The following MOB3B variants were observed in gnomAD, a reference collection of about 807,000 sequenced individuals.
MOB3B encodes MOB kinase activator-like 2B.
A neutral mutation model predicts 18.7 loss-of-function variants in MOB3B; 7 were observed. That is an observed-to-expected ratio of 0.37 (90% confidence interval 0.21 to 0.70). The LOEUF (loss-of-function observed/expected upper bound fraction) is 0.70. Ranked by LOEUF, MOB3B falls within the 30% of genes least tolerant of loss-of-function variation. The probability of loss-of-function intolerance (pLI) is 0.52; values close to 1 mark genes in which losing one functional copy is unlikely to be tolerated. For synonymous variants in MOB3B, 111 were observed against 99.9 expected, an observed-to-expected ratio of 1.11 and a Z score of -0.66; for missense variants, 253 against 281.3, an observed-to-expected ratio of 0.90 and a Z score of 0.72.
At chr9:27,523,053 T>C (rs1172779741) in intron 1 of MOB3B, among the ~76,000 whole-genome samples, 1 of 152,192 alleles carries the variant, frequency 6.6e-6, no homozygotes. Context: ...TCAATCAAAG[T>C]CTGCCATGTT....
intron 1 of MOB3B, among the ~76,000 whole-genome samples, chr9:27,473,698 T>G (rs1046562664): frequency 2.0e-5 from 3 of 151,974 alleles, no homozygotes. Context: ...TCAGAGGTCA[T>G]GCACTCTCCC....
intron 1 of MOB3B, among the ~76,000 whole-genome samples, chr9:27,504,112 T>C (rs1820025622): frequency 6.6e-6 from 1 of 152,224 alleles, no homozygotes; most frequent in Admixed American, 6.5e-5. Context: ...AAATAGTGCT[T>C]CATCATCTTT....
At position 27,385,271 on chromosome 9, in the gene MOB3B, G is replaced by C. The variant is rs549067236; in HGVS notation, c.419-26035C>G. 3.9e-5 allele frequency among the ~76,000 whole-genome samples: 6 copies of C among 152,306 alleles called. No individual in the cohort carries two copies. The South Asian group carries it at 1.0e-3, about 26-fold the overall frequency. Reference sequence around the variant, plus strand: ...GCAAAGTAGGACACACAAAACAACAGTGATTCTTTTTTGCCAAGGCATATC... The same window carrying C: ...GCAAAGTAGGACACACAAAACAACACTGATTCTTTTTTGCCAAGGCATATC... On this transcript the variant is annotated intron_variant, in intron 2 of 3. Coordinates refer to ENST00000262244, the MANE Select transcript of MOB3B (RefSeq NM_024761.5).
intron 1 of MOB3B, among the ~76,000 whole-genome samples, chr9:27,489,755 G>A (rs369760873): frequency 2.9e-4 from 2 of 6,782 alleles, no homozygotes; most frequent in African/African-American, 5.9e-4. Context: ...TTTTTTTTTT[G>A]GTCCAACAGG....
chr9:27,368,912 C>G (rs1030490487), intron 2 of MOB3B, among the ~76,000 whole-genome samples: 1 of 152,152 alleles, frequency 6.6e-6, no homozygotes, highest in Non-Finnish European at 1.5e-5. Context: ...ATCCCCAGCT[C>G]CCAGATGGCT....
At chr9:27,338,311 A>C (rs1190809773) in intron 3 of MOB3B, among the ~76,000 whole-genome samples, 1 of 152,054 alleles carries the variant, frequency 6.6e-6, no homozygotes, top group African/African-American at 2.4e-5. Flanking sequence ...GTGTGGGTGA[A>C]GCTTACAAGC....
chr9:27,503,888 T>A (rs1380634457), intron 1 of MOB3B, among the ~76,000 whole-genome samples: 1 of 152,174 alleles, frequency 6.6e-6, no homozygotes, highest in Non-Finnish European at 1.5e-5. Flanking sequence ...CTTGCCCCCT[T>A]GCCTTAACTC....
chr9:27,404,347 CTTTTTTTTTTTT>C (rs756275032), intron 2 of MOB3B, among the ~76,000 whole-genome samples: 5 of 75,172 alleles, frequency 6.7e-5, no homozygotes, highest in South Asian at 5.8e-4. Context: ...TTCTTTCTTT[CTTTTTTTTTTTT>C]TTTTTTTTTT....
intron 2 of MOB3B, among the ~76,000 whole-genome samples, chr9:27,368,857 C>T (rs890405020): frequency 6.6e-6 from 1 of 152,196 alleles, no homozygotes; most frequent in Non-Finnish European, 1.5e-5. Context: ...CTGCTCGTCA[C>T]ACCTCCTCCT....
intron 2 of MOB3B, among the ~76,000 whole-genome samples, chr9:27,416,663 T>G (rs960466779): frequency 6.7e-6 from 1 of 148,820 alleles, no homozygotes; most frequent in Non-Finnish European, 1.5e-5. Flanking sequence ...CCCAAGTAGC[T>G]AGGACTACAG....
chr9:27,332,757 T>C (rs749777175), intron 3 of MOB3B, among the ~76,000 whole-genome samples: 18 of 152,318 alleles, frequency 1.2e-4, no homozygotes, highest in Non-Finnish European at 1.5e-4. Context: ...ATCTCTACTG[T>C]ATTGATGAGG....
chr9:27,440,413 G>A (rs1399821490), intron 2 of MOB3B, among the ~76,000 whole-genome samples: 1 of 148,274 alleles, frequency 6.7e-6, no homozygotes, highest in East Asian at 2.0e-4. Flanking sequence ...CTACCTTACT[G>A]TATTACTTGG....
chr9:27,418,999 T>C (rs1822198690), intron 2 of MOB3B, among the ~76,000 whole-genome samples: 1 of 147,346 alleles, frequency 6.8e-6, no homozygotes, highest in South Asian at 2.1e-4. Flanking sequence ...AGCTCTTCTA[T>C]ACACCAACTG....
At chr9:27,334,283 AT>A in intron 3 of MOB3B, among the ~76,000 whole-genome samples, 1 of 152,180 alleles carries the variant, frequency 6.6e-6, no homozygotes, top group Non-Finnish European at 1.5e-5. Context: ...TCTGTTTCTA[AT>A]TTTTTTGTCC....
At chr9:27,495,547 C>T (rs12550913) in intron 1 of MOB3B, among the ~76,000 whole-genome samples, 2 of 152,076 alleles carry the variant, frequency 1.3e-5, no homozygotes, top group Non-Finnish European at 2.9e-5. Context: ...GGAACCCATC[C>T]TGATGGCCCC....
intron 1 of MOB3B, among the ~76,000 whole-genome samples, chr9:27,463,564 C>T (rs536947801): frequency 3.6e-4 from 55 of 152,248 alleles, no homozygotes; most frequent in Middle Eastern, 6.8e-3. Context: ...CTGGAAACTT[C>T]GCGGTCTAGA....
intron 1 of MOB3B, among the ~76,000 whole-genome samples, chr9:27,482,882 T>C (rs986488291): frequency 2.6e-5 from 4 of 152,176 alleles, no homozygotes; most frequent in African/African-American, 9.7e-5. Context: ...TAAGGCTGCT[T>C]CTGGAGAGAA....
intron 1 of MOB3B, among the ~76,000 whole-genome samples, chr9:27,503,585 T>C (rs1820018869): frequency 6.6e-6 from 1 of 152,188 alleles, no homozygotes; most frequent in South Asian, 2.1e-4. Flanking sequence ...TGCCCCAGAT[T>C]CTGACTTGAA....
intron 3 of MOB3B, among the ~76,000 whole-genome samples, chr9:27,350,365 G>T (rs1821087582): frequency 1.3e-5 from 2 of 151,758 alleles, no homozygotes; most frequent in African/African-American, 4.8e-5. Flanking sequence ...TTTGTATCCT[G>T]CTTTTATTAC....
Sources: gnomAD v4.1 joint callset for allele counts (sites outside exome capture counted in the v4.1 genomes callset) on GRCh38, gnomAD v4.1.1 for gene constraint, MANE v1.5 for transcripts, NCBI Gene and HGNC (gene_info 2026-07-23, HGNC 2026-07-21) for gene names.